Variants in TANC2 observed in about 807,000 individuals in gnomAD.
The protein encoded by TANC2 is tetratricopeptide repeat, ankyrin repeat and coiled-coil containing 2.
In TANC2, 26 loss-of-function variants were observed where a neutral mutation model predicts 210.5. The ratio of observed to expected loss-of-function variants is 0.12; its 90% CI spans 0.09 to 0.17. The LOEUF (loss-of-function observed/expected upper bound fraction) is 0.17. Ranked by LOEUF, TANC2 falls within the 10% of genes least tolerant of loss-of-function variation. The pLI is 1.00. For missense variants in TANC2, 2,129 were observed against 2,608.9 expected (o/e 0.82, Z 4.01); for synonymous variants, 931 against 967.1 (o/e 0.96, Z 0.69).
intron 9 of TANC2, among the ~76,000 whole-genome samples, chr17:63,302,855 C>T (rs1025993408): frequency 6.6e-6 from 1 of 151,954 alleles, no homozygotes; most frequent in East Asian, 1.9e-4. Context: ...CCTCTAACTC[C>T]CAGGTTCAAG....
At chr17:63,071,665 CT>C (rs2036402881) in intron 2 of TANC2, among the ~76,000 whole-genome samples, 2 of 151,402 alleles carry the variant, frequency 1.3e-5, no homozygotes, top group Non-Finnish European at 2.9e-5. Flanking sequence ...ATTTTTTTTT[CT>C]TTAGAGAATA....
At chr17:63,101,577 C>T (rs2037621999) in intron 4 of TANC2, among the ~76,000 whole-genome samples, 1 of 152,110 alleles carries the variant, frequency 6.6e-6, no homozygotes, top group Non-Finnish European at 1.5e-5. Flanking sequence ...GTCTAAGGCC[C>T]ATTACATGCC....
chr17:63,052,824 T>C (rs984461937), intron 2 of TANC2, among the ~76,000 whole-genome samples: 10 of 152,224 alleles, frequency 6.6e-5, no homozygotes, highest in Non-Finnish European at 1.3e-4. Flanking sequence ...AAATAATTTA[T>C]TTGCTGTTAT....
At chr17:63,165,080 T>G (rs1361201548) in intron 5 of TANC2, among the ~76,000 whole-genome samples, 2 of 152,014 alleles carry the variant, frequency 1.3e-5, no homozygotes, top group African/African-American at 4.8e-5. Context: ...CCTGGAGTTT[T>G]GAGTCCAGCC....
At chr17:63,108,246 TAACTC>T (rs946128325) in intron 4 of TANC2, among the ~76,000 whole-genome samples, 1 of 151,888 alleles carries the variant, frequency 6.6e-6, no homozygotes, top group African/African-American at 2.4e-5. Context: ...CAATTAAACT[TAACTC>T]ATTATATTTC....
intron 13 of TANC2, among the ~76,000 whole-genome samples, chr17:63,353,969 A>G (rs1567944913): frequency 6.6e-6 from 1 of 152,262 alleles, no homozygotes; most frequent in East Asian, 1.9e-4. Context: ...GAAGGAAAGA[A>G]TTATAGATAG....
intron 4 of TANC2, among the ~76,000 whole-genome samples, chr17:63,108,706 G>A (rs2037918195): frequency 6.6e-6 from 1 of 151,624 alleles, no homozygotes; most frequent in African/African-American, 2.4e-5. Flanking sequence ...CTCCTTGGGA[G>A]GCTGAGGCAG....
At chr17:63,104,347 T>G (rs1344086514) in intron 4 of TANC2, among the ~76,000 whole-genome samples, 1 of 152,180 alleles carries the variant, frequency 6.6e-6, no homozygotes, top group Non-Finnish European at 1.5e-5. Context: ...CATTCAACTC[T>G]TACGGAATTT....
intron 8 of TANC2, among the ~76,000 whole-genome samples, chr17:63,265,542 TAGTA>T (rs1238018678): frequency 6.6e-6 from 1 of 152,204 alleles, no homozygotes; most frequent in Non-Finnish European, 1.5e-5. Context: ...TGTAACTACT[TAGTA>T]AGTGTTTTAG....
chr17:63,373,723 G>A (rs189399565), intron 14 of TANC2, among the ~76,000 whole-genome samples: 1 of 152,302 alleles, frequency 6.6e-6, no homozygotes, highest in East Asian at 1.9e-4. Context: ...ACTCAGGCCT[G>A]TAATCCCAAC....
intron 11 of TANC2, among the ~76,000 whole-genome samples, chr17:63,325,955 CTT>C (rs748965819): frequency 6.6e-6 from 1 of 152,210 alleles, no homozygotes; most frequent in Non-Finnish European, 1.5e-5. Context: ...AGCCGCTTTT[CTT>C]TAAAATTTGT....
At chr17:63,110,476 AT>A (rs1418921150) in intron 4 of TANC2, among the ~76,000 whole-genome samples, 1 of 151,660 alleles carries the variant, frequency 6.6e-6, no homozygotes, top group East Asian at 1.9e-4. Context: ...ACAGAAATCT[AT>A]TTTCTCACAG....
intron 11 of TANC2, among the ~76,000 whole-genome samples, chr17:63,339,422 C>A (rs1346733912): frequency 6.6e-6 from 1 of 152,202 alleles, no homozygotes; most frequent in Admixed American, 6.5e-5. Flanking sequence ...CCTAGCCAGG[C>A]AGCCCAGACC....
At chr17:63,325,803 C>A (rs1281242925) in intron 11 of TANC2, among the ~76,000 whole-genome samples, 1 of 152,144 alleles carries the variant, frequency 6.6e-6, no homozygotes, top group Non-Finnish European at 1.5e-5. Flanking sequence ...TTCATGTGTT[C>A]CGGGAATGAA....
intron 5 of TANC2, chr17:63,153,541 A>G (rs1055701635): frequency 2.0e-5 from 3 of 152,150 alleles, no homozygotes; most frequent in Non-Finnish European, 4.4e-5. Context: ...TTTCTTACTC[A>G]GTAGGTCTGG....
intron 5 of TANC2, among the ~76,000 whole-genome samples, chr17:63,190,111 G>A (rs572925993): frequency 5.3e-5 from 8 of 152,246 alleles, no homozygotes; most frequent in African/African-American, 1.7e-4. Context: ...GAAGTGGGAG[G>A]ATTGCTTAAG....
intron 5 of TANC2, among the ~76,000 whole-genome samples, chr17:63,192,702 G>A (rs1051826016): frequency 2.6e-5 from 4 of 152,196 alleles, no homozygotes; most frequent in Admixed American, 2.6e-4. Flanking sequence ...TCTGTAAAAT[G>A]AGGGTAATAA....
intron 4 of TANC2, among the ~76,000 whole-genome samples, chr17:63,122,764 G>A (rs1246328991): frequency 1.4e-4 from 22 of 151,988 alleles, no homozygotes; most frequent in Non-Finnish European, 1.5e-5. Flanking sequence ...AGAAGATTAT[G>A]GAAACATAAT....
intron 6 of TANC2, among the ~76,000 whole-genome samples, chr17:63,200,191 A>G (rs2145792564): frequency 6.6e-6 from 1 of 152,192 alleles, no homozygotes; most frequent in East Asian, 1.9e-4. Flanking sequence ...CCCCATCTCT[A>G]CTAAAAATAC....
Sources: gnomAD v4.1 joint callset for allele counts (sites outside exome capture counted in the v4.1 genomes callset) on GRCh38, gnomAD v4.1.1 for gene constraint, MANE v1.5 for transcripts, NCBI Gene and HGNC (gene_info 2026-07-23, HGNC 2026-07-21) for gene names.